Variants in UNC5C observed in about 807,000 individuals in gnomAD.
The protein encoded by UNC5C is unc-5 netrin receptor C, also known as netrin receptor UNC5C.
Under a neutral mutation model 99.8 loss-of-function variants are expected in UNC5C, and 47 were observed. The ratio of observed to expected loss-of-function variants is 0.47; its 90% CI spans 0.37 to 0.60. The LOEUF is 0.60. Among genes scored for constraint, UNC5C ranks in the 20% least tolerant of loss-of-function variants. The pLI, the probability that UNC5C is intolerant of heterozygous loss-of-function variation, is 0.00. For missense variants in UNC5C, 1,062 were observed against 1,165.9 expected (o/e 0.91, Z 1.30); for synonymous variants, 487 against 452.2 (o/e 1.08, Z -0.98).
At position 95,185,068 on chromosome 4, in the gene UNC5C, G is replaced by A; in HGVS notation, c.2265C>T (p.Ser755=). Reference sequence around the variant, plus strand: ...TTACCTGATATTTAGCCAGCAATTTGCTCTTCCAGAGGGAATGGGCGATAT... The same window carrying A: ...TTACCTGATATTTAGCCAGCAATTTACTCTTCCAGAGGGAATGGGCGATAT... ...IHDIAHSLWK[S]KLLAKYQEIP... The change falls in exon 13 of 16, where the codon AGC becomes AGT. Residue 755 remains serine (S), a synonymous_variant. Coordinates refer to ENST00000453304, the MANE Select transcript of UNC5C (RefSeq NM_003728.4). The A allele has an allele frequency of 3.1e-6, 5 of 1,611,796 alleles. No homozygotes were observed. The highest frequency in any genetic ancestry group is 4.2e-6 in the Non-Finnish European group (5 of 1,179,460).
At chr4:95,252,192 C>T (rs747236649) in intron 4 of UNC5C, among the ~76,000 whole-genome samples, 3 of 152,038 alleles carry the variant, frequency 2.0e-5, no homozygotes, top group East Asian at 1.9e-4. Context: ...TGGAAGTGCA[C>T]GGGAGAAGGT....
intron 1 of UNC5C, among the ~76,000 whole-genome samples, chr4:95,415,646 G>C (rs1163659594): frequency 6.6e-6 from 1 of 152,026 alleles, no homozygotes; most frequent in Non-Finnish European, 1.5e-5. Flanking sequence ...TTTTTGTAAA[G>C]TTTGATTTTT....
chr4:95,393,393 G>T (rs76411516), intron 1 of UNC5C, among the ~76,000 whole-genome samples: 134 of 152,212 alleles, frequency 8.8e-4, no homozygotes, highest in African/African-American at 3.0e-3. Flanking sequence ...ATCAAGGGGG[G>T]AATATCAAGT....
intron 11 of UNC5C, among the ~76,000 whole-genome samples, chr4:95,206,003 CT>C (rs70946599): frequency 0.14 from 19,778 of 142,816 alleles, 1,345 homozygotes; most frequent in South Asian, 0.18. Flanking sequence ...TATACATATA[CT>C]TTTTTTTTTT....
intron 2 of UNC5C, among the ~76,000 whole-genome samples, chr4:95,309,426 A>C (rs1441347036): frequency 2.0e-5 from 3 of 152,180 alleles, no homozygotes; most frequent in Non-Finnish European, 4.4e-5. Context: ...GCAAAAATAG[A>C]CAAATAGGAA....
chr4:95,416,318 T>C (rs548034157), intron 1 of UNC5C, among the ~76,000 whole-genome samples: 3 of 152,280 alleles, frequency 2.0e-5, no homozygotes, highest in African/African-American at 7.2e-5. Flanking sequence ...GCACTGTAGC[T>C]TCCCTAAAGA....
intron 1 of UNC5C, among the ~76,000 whole-genome samples, chr4:95,476,588 T>C (rs968581940): frequency 1.3e-5 from 2 of 152,138 alleles, no homozygotes; most frequent in Non-Finnish European, 2.9e-5. Context: ...CGAATTCATA[T>C]TTTGTGATAG....
At chr4:95,335,381 G>A in intron 2 of UNC5C, 29 bp downstream of exon 2, 2 of 1,574,550 alleles carry the variant, frequency 1.3e-6, no homozygotes, top group Non-Finnish European at 1.7e-6. Flanking sequence ...GAATCTTGAA[G>A]TGCAATGCAA....
intron 2 of UNC5C, among the ~76,000 whole-genome samples, chr4:95,313,728 A>G (rs1404911689): frequency 6.6e-6 from 1 of 152,208 alleles, no homozygotes; most frequent in East Asian, 1.9e-4. Flanking sequence ...AATATGTTTC[A>G]TAATCTTAAT....
At chr4:95,262,173 G>C (rs1740263225) in intron 4 of UNC5C, among the ~76,000 whole-genome samples, 1 of 152,168 alleles carries the variant, frequency 6.6e-6, no homozygotes, top group Non-Finnish European at 1.5e-5. Context: ...GAGAAAATAA[G>C]GGACTGTAAT....
At position 95,245,069 on chromosome 4, in the gene UNC5C, G is replaced by T. The variant is rs748492018; in HGVS notation, c.851C>A (p.Thr284Lys). Residue 284 changes from threonine to lysine, a missense_variant, in exon 6 of 16, where the codon ACA becomes AAA. Around this residue, in one of 3 missense-constraint regions of UNC5C, gnomAD observed 810 missense variants for 854.5 expected, o/e 0.95. Coordinates refer to ENST00000453304, the MANE Select transcript of UNC5C (RefSeq NM_003728.4). ...TGGTGCCGGGTTGGTACAAGTCCTT[G>T]TACGTTTCTGATACCCTCGTCCACA... is the stretch of plus-strand genomic sequence containing the variant. ...SRCGRGYQKR[T>K]RTCTNPAPLN... is the part of the protein sequence containing the mutation. 1 of 1,614,128 alleles carries T rather than the reference G, an allele frequency of 6.2e-7. No homozygotes were observed.
chr4:95,247,578 T>G (rs555569143), intron 5 of UNC5C, among the ~76,000 whole-genome samples: 14 of 152,228 alleles, frequency 9.2e-5, no homozygotes, highest in African/African-American at 3.4e-4. Context: ...ATCCCTTCAT[T>G]TACAGAGAAG....
At chr4:95,373,602 A>G (rs1744807612) in intron 1 of UNC5C, among the ~76,000 whole-genome samples, 1 of 151,992 alleles carries the variant, frequency 6.6e-6, no homozygotes, top group Non-Finnish European at 1.5e-5. Flanking sequence ...AAATGTCCTA[A>G]CAGTTTGTTT....
chr4:95,185,970 A>G (rs984540616), intron 12 of UNC5C, among the ~76,000 whole-genome samples: 2 of 87,970 alleles, frequency 2.3e-5, no homozygotes, highest in Non-Finnish European at 6.0e-5. Context: ...TTCTTATACT[A>G]TACAGATACA....
At chr4:95,505,371 T>C (rs534715803) in intron 1 of UNC5C, among the ~76,000 whole-genome samples, 1 of 152,216 alleles carries the variant, frequency 6.6e-6, no homozygotes, top group East Asian at 1.9e-4. Context: ...TTTCAGCAAC[T>C]TAATTGAGAT....
intron 1 of UNC5C, among the ~76,000 whole-genome samples, chr4:95,357,666 C>T (rs1744256761): frequency 6.6e-6 from 1 of 151,912 alleles, no homozygotes; most frequent in African/African-American, 2.4e-5. Context: ...GTGGTGCATG[C>T]CTGTGGTCTC....
chr4:95,357,865 C>T (rs537326674), intron 1 of UNC5C, among the ~76,000 whole-genome samples: 172 of 147,720 alleles, frequency 1.2e-3, no homozygotes, highest in Non-Finnish European at 1.8e-3. Flanking sequence ...TAAAATTTTA[C>T]AGTAAAGAAT....
At chr4:95,440,771 T>G (rs1466594814) in intron 1 of UNC5C, among the ~76,000 whole-genome samples, 1 of 152,118 alleles carries the variant, frequency 6.6e-6, no homozygotes, top group Admixed American at 6.5e-5. Flanking sequence ...TGAAAGAAAC[T>G]CGGTGAAATT....
intron 1 of UNC5C, among the ~76,000 whole-genome samples, chr4:95,447,205 C>A (rs1035469797): frequency 2.6e-5 from 4 of 152,038 alleles, no homozygotes; most frequent in Admixed American, 2.0e-4. Context: ...TTATAAAATT[C>A]TATATTCAAT....
Sources: allele counts gnomAD v4.1 joint callset (sites outside exome capture counted in the v4.1 genomes callset), GRCh38; gene constraint gnomAD v4.1.1; regional missense constraint gnomAD v4.1.1; transcripts MANE v1.5; gene names NCBI Gene and HGNC (gene_info 2026-07-23, HGNC 2026-07-21).